Variants in SYTL5 observed in about 807,000 individuals in gnomAD.
SYTL5 encodes synaptotagmin-like protein 5.
In SYTL5, 34 loss-of-function variants were observed where a neutral mutation model predicts 55.9. That is an observed-to-expected ratio of 0.61 (90% CI 0.46 to 0.81). SYTL5 has a LOEUF of 0.81. Among genes scored for constraint, SYTL5 ranks in the 30% least tolerant of loss-of-function variants. SYTL5 has a pLI of 0.00. For missense variants in SYTL5, 637 were observed against 546.7 expected (o/e 1.17, Z -1.65); for synonymous variants, 221 against 188.7 (o/e 1.17, Z -1.40).
rs953690345 is a variant in SYTL5 at position 38,103,444 on chromosome X, G to A, written c.1155+1010G>A. ...GTGTCTTAGTTTCTCACAAGCCTCC[G>A]TATTTGTGGGTTCCTAAATTTCCTT... On this transcript the variant is annotated intron_variant, in intron 10 of 16. Transcript: ENST00000297875. Among the ~76,000 whole-genome samples the A allele has an allele frequency of 7.2e-5, 8 of 110,584 alleles. No homozygotes were observed. In the Admixed American group the frequency reaches 7.8e-4, roughly 11 times the overall value.
chrX:38,007,453 T>C (rs1934028901), intron 1 of SYTL5, among the ~76,000 whole-genome samples: 1 of 111,427 alleles, frequency 9.0e-6, no homozygotes, highest in Non-Finnish European at 1.9e-5. Context: ...TTCTCTTTGC[T>C]CCAAGTATAT....
intron 6 of SYTL5, among the ~76,000 whole-genome samples, chrX:38,082,892 G>T (rs1936569175): frequency 8.9e-6 from 1 of 112,360 alleles, no homozygotes; most frequent in African/African-American, 3.2e-5. Flanking sequence ...GTGTACAAGA[G>T]ATGAGGAGAT....
At chrX:38,025,564 A>G (rs1321231916) in intron 1 of SYTL5, among the ~76,000 whole-genome samples, 2 of 112,346 alleles carry the variant, frequency 1.8e-5, no homozygotes, top group African/African-American at 6.5e-5. Context: ...ACAGCTTAGC[A>G]TAGTTCAACA....
chrX:38,125,439 T>A lies in SYTL5; in HGVS notation c.1983T>A (p.Thr661=). The A allele has an allele frequency of 8.3e-7, 1 of 1,211,507 alleles. No homozygotes were observed. Among genetic ancestry groups the A allele is most frequent in the Non-Finnish European group, 1.1e-6 (1 of 895,159 alleles). ...TAAAGAATGTTTGCCTAGAACTTAC[T>A]ATCTGGGACAAGGAGGCCTTTTCCA... ...QDIKNVCLEL[T]IWDKEAFSSN... is the part of the protein sequence containing the mutation. Residue 661 remains threonine (T), a synonymous_variant, in exon 16 of 17, where the codon ACT becomes ACA. Coordinates refer to ENST00000297875, the MANE Select transcript of SYTL5 (RefSeq NM_138780.3).
At chrX:37,939,372 A>T in the SYTL5 span, among the ~76,000 whole-genome samples, 1 of 112,209 alleles carries the variant, frequency 8.9e-6, no homozygotes, top group Non-Finnish European at 1.9e-5. Context: ...ACCTAGGCTT[A>T]ACTTCTTTCT....
At chrX:38,048,133 C>T in intron 2 of SYTL5, among the ~76,000 whole-genome samples, 1 of 110,160 alleles carries the variant, frequency 9.1e-6, no homozygotes. Context: ...TTGCAGTGAG[C>T]TGAGATCACG....
At chrX:38,088,622 T>C (rs1346751826) in intron 6 of SYTL5, among the ~76,000 whole-genome samples, 13 of 112,693 alleles carry the variant, frequency 1.2e-4, no homozygotes, top group African/African-American at 3.9e-4. Flanking sequence ...TGAATAGTTT[T>C]AGCACACATG....
intron 6 of SYTL5, among the ~76,000 whole-genome samples, chrX:38,088,147 C>A (rs1027661146): frequency 2.7e-5 from 3 of 111,549 alleles, no homozygotes; most frequent in Non-Finnish European, 3.8e-5. Context: ...TTCTCTGGTG[C>A]ACAGCTTTGA....
chrX:38,056,570 T>C (rs1181987122), intron 3 of SYTL5, among the ~76,000 whole-genome samples: 3 of 111,849 alleles, frequency 2.7e-5, no homozygotes, highest in African/African-American at 9.7e-5. Flanking sequence ...CTAATTTACA[T>C]TTTCACCAAC....
At chrX:37,942,516 C>T in the SYTL5 span, among the ~76,000 whole-genome samples, 1 of 111,664 alleles carries the variant, frequency 9.0e-6, no homozygotes, top group African/African-American at 3.3e-5. Context: ...TCTAAGAACT[C>T]CCCACAGATG....
the SYTL5 span, among the ~76,000 whole-genome samples, chrX:37,962,932 T>C: frequency 3.3e-4 from 37 of 111,878 alleles, no homozygotes; most frequent in African/African-American, 1.2e-3. Flanking sequence ...AAATTGGGGA[T>C]TAAATTTCCA....
the SYTL5 span, among the ~76,000 whole-genome samples, chrX:37,908,741 T>C: frequency 2.7e-5 from 3 of 111,303 alleles, no homozygotes; most frequent in East Asian, 8.4e-4. Flanking sequence ...CCTGTGTGTG[T>C]GTGTGTGTAA....
the SYTL5 span, among the ~76,000 whole-genome samples, chrX:37,937,575 G>A: frequency 1.8e-5 from 2 of 111,995 alleles, no homozygotes; most frequent in Non-Finnish European, 3.8e-5. Context: ...AGCTCAGCCA[G>A]CCAACATCTT....
At chrX:38,092,895 T>C (rs1349589650) in intron 7 of SYTL5, among the ~76,000 whole-genome samples, 1 of 111,975 alleles carries the variant, frequency 8.9e-6, no homozygotes. Flanking sequence ...GTATTGCTTG[T>C]TAATGACAGT....
intron 6 of SYTL5, among the ~76,000 whole-genome samples, chrX:38,082,744 G>A (rs1400921897): frequency 2.7e-5 from 3 of 112,220 alleles, no homozygotes; most frequent in East Asian, 5.5e-4. Context: ...AAATGAGGAG[G>A]ACTTGGCCAG....
intron 10 of SYTL5, among the ~76,000 whole-genome samples, chrX:38,103,389 A>G (rs1367658445): frequency 3.6e-5 from 4 of 111,811 alleles, no homozygotes; most frequent in Admixed American, 9.5e-5. Context: ...TTAAGAGCAT[A>G]TAGTTTAGTT....
chrX:38,028,060 G>A (rs988983449), intron 1 of SYTL5, among the ~76,000 whole-genome samples: 6 of 111,162 alleles, frequency 5.4e-5, no homozygotes, highest in African/African-American at 2.0e-4. Context: ...TCCTGACCTT[G>A]TGATCTGCCC....
intron 2 of SYTL5, among the ~76,000 whole-genome samples, chrX:38,043,659 ATG>A (rs1476044901): frequency 8.5e-5 from 5 of 58,617 alleles, no homozygotes; most frequent in African/African-American, 4.6e-4. Flanking sequence ...GTATGTATGT[ATG>A]TATATATATA....
the SYTL5 span, among the ~76,000 whole-genome samples, chrX:37,958,292 G>C: frequency 9.0e-6 from 1 of 111,155 alleles, no homozygotes; most frequent in South Asian, 3.8e-4. Flanking sequence ...GGAAGTCTGA[G>C]AGCATGGTAC....
Sources: gnomAD v4.1 joint callset for allele counts (sites outside exome capture counted in the v4.1 genomes callset) on GRCh38, gnomAD v4.1.1 for gene constraint, MANE v1.5 for transcripts, NCBI Gene and HGNC (gene_info 2026-07-23, HGNC 2026-07-21) for gene names.